Variants in ASXL3 observed in about 807,000 individuals in gnomAD.
ASXL3 encodes the protein putative Polycomb group protein ASXL3.
In ASXL3, 34 loss-of-function variants were observed where a neutral mutation model predicts 170.6. The ratio of observed to expected loss-of-function variants is 0.20; its 90% CI spans 0.15 to 0.27. The LOEUF (loss-of-function observed/expected upper bound fraction) is 0.27, where lower values mean the gene tolerates loss of function less well. Ranked by LOEUF, ASXL3 falls within the 10% of genes least tolerant of loss-of-function variation. The pLI is 1.00. For synonymous variants in ASXL3, 1,002 were observed against 989.1 expected (o/e 1.01, Z -0.24); for missense variants, 2,592 against 2,695.3 (o/e 0.96, Z 0.85).
rs1231686494 is a variant in ASXL3 at position 33,745,656 on chromosome 18, G to A, written c.5808G>A (p.Val1936=). The change falls in exon 12 of 12, where the codon GTG becomes GTA. Residue 1936 remains valine (V), a synonymous_variant. Transcript: ENST00000269197. Reference sequence around the variant, plus strand: ...GACAGCAGTTTTACCAAATGCCTGTGGCTGCCAGGGGCCCCATTCCTACTG... The same window carrying A: ...GACAGCAGTTTTACCAAATGCCTGTAGCTGCCAGGGGCCCCATTCCTACTG... ...SHRQQFYQMP[V]AARGPIPTAA... 1 of 1,613,812 alleles carries A rather than the reference G, an allele frequency of 6.2e-7. No homozygotes were observed. Among genetic ancestry groups the A allele is most frequent in the Non-Finnish European group, 8.5e-7 (1 of 1,179,886 alleles).
intron 8 of ASXL3, among the ~76,000 whole-genome samples, chr18:33,696,888 CA>C (rs1290043708): frequency 6.6e-6 from 1 of 152,154 alleles, no homozygotes; most frequent in Non-Finnish European, 1.5e-5. Context: ...GTTAAAGAAT[CA>C]ATCTCTGCTC....
At chr18:33,627,840 G>A (rs2065624355) in intron 2 of ASXL3, among the ~76,000 whole-genome samples, 1 of 152,022 alleles carries the variant, frequency 6.6e-6, no homozygotes, top group Admixed American at 6.6e-5. Flanking sequence ...TTAGAAATGT[G>A]GTGCTTGTTC....
At chr18:33,736,927 ATAT>A (rs1449342350) in intron 10 of ASXL3, among the ~76,000 whole-genome samples, 5 of 152,156 alleles carry the variant, frequency 3.3e-5, no homozygotes, top group African/African-American at 1.2e-4. Context: ...ATATTTAATA[ATAT>A]TATTAACCAA....
In ASXL3 at chr18:33,744,985, T is replaced by C. The variant is rs1335509165; in HGVS notation, c.5137T>C (p.Ser1713Pro). The C allele has an allele frequency of 6.2e-7, 1 of 1,613,940 alleles. No homozygotes were observed. The change falls in exon 12 of 12, where the codon TCA (serine) becomes CCA (proline). Residue 1713 changes from serine (S) to proline (P), a missense_variant. Ser to Pro is a moderately conservative substitution (Grantham distance 74). Transcript: ENST00000269197. ...AACACAGAACATGAAAGCTTCCACC[T>C]CAAGTCCCATGGAAGAGGCTATTTC... ...QQTQNMKAST[S>P]SPMEEAISLA... is the part of the protein sequence containing the mutation.
chr18:33,713,243 GTTTTGTT>G (rs2067103449), intron 8 of ASXL3, among the ~76,000 whole-genome samples: 1 of 45,488 alleles, frequency 2.2e-5, no homozygotes, highest in Non-Finnish European at 4.3e-5. Context: ...TTTTTGTTTT[GTTTTGTT>G]TTTTTTTTTT....
chr18:33,596,161 C>A (rs750243173), intron 1 of ASXL3, among the ~76,000 whole-genome samples: 1 of 151,986 alleles, frequency 6.6e-6, no homozygotes, highest in Non-Finnish European at 1.5e-5. Context: ...GGGTAGGCAG[C>A]GGTCATTTCT....
chr18:33,649,921 A>C (rs1010942796), intron 4 of ASXL3, among the ~76,000 whole-genome samples: 2 of 152,088 alleles, frequency 1.3e-5, no homozygotes, highest in African/African-American at 4.8e-5. Context: ...GCTAGGTTTC[A>C]GGCTATCAAG....
At chr18:33,651,842 T>C (rs941590444) in intron 4 of ASXL3, among the ~76,000 whole-genome samples, 2 of 152,078 alleles carry the variant, frequency 1.3e-5, no homozygotes, top group African/African-American at 4.8e-5. Context: ...CAGGGAAACA[T>C]TCTTTTAAAA....
intron 8 of ASXL3, among the ~76,000 whole-genome samples, chr18:33,714,258 G>A (rs939483246): frequency 1.2e-4 from 19 of 152,164 alleles, no homozygotes; most frequent in African/African-American, 3.1e-4. Flanking sequence ...GTTGCTTTGC[G>A]TCTCAACAAT....
chr18:33,742,978 A>G lies in ASXL3; in HGVS notation c.3130A>G (p.Ser1044Gly), dbSNP rs199810689. The change falls in exon 12 of 12, where the codon AGT (serine) becomes GGT (glycine). Residue 1044 changes from serine (S) to glycine (G), a missense_variant. Ser to Gly is a moderately conservative substitution (Grantham distance 56, BLOSUM62 0). Transcript: ENST00000269197. ...ESRASTSTSVSGGRNTGARTL... is the reference protein window; with the variant it reads ...ESRASTSTSVGGGRNTGARTL... ...TCGAGCATCCACTAGCACATCTGTCAGTGGCGGGAGGAACACAGGAGCCAG... is the reference window on the plus strand; with the variant it reads ...TCGAGCATCCACTAGCACATCTGTCGGTGGCGGGAGGAACACAGGAGCCAG... 2.2e-4 allele frequency: 351 copies of G among 1,613,746 alleles called. 3 individuals carry two copies. The highest frequency in any genetic ancestry group is 5.0e-5 in the Non-Finnish European group (59 of 1,179,834).
chr18:33,613,250 G>A (rs1408472308), intron 2 of ASXL3, among the ~76,000 whole-genome samples: 3 of 152,008 alleles, frequency 2.0e-5, no homozygotes, highest in Non-Finnish European at 2.9e-5. Context: ...TCCTAAACAC[G>A]TCTTTCTTTC....
intron 8 of ASXL3, among the ~76,000 whole-genome samples, chr18:33,713,242 TGTTTTG>T (rs1568343440): frequency 0.094 from 7,237 of 77,116 alleles, 1,897 homozygotes; most frequent in Non-Finnish European, 0.13. Context: ...TTTTTTGTTT[TGTTTTG>T]TTTTTTTTTT....
chr18:33,696,656 G>A (rs572318003), intron 8 of ASXL3, among the ~76,000 whole-genome samples: 2 of 152,044 alleles, frequency 1.3e-5, no homozygotes, highest in Admixed American at 1.3e-4. Flanking sequence ...AGGCAAGGGT[G>A]GAGCAGTCAG....
intron 4 of ASXL3, among the ~76,000 whole-genome samples, chr18:33,649,419 C>T (rs1193958339): frequency 6.6e-6 from 1 of 152,000 alleles, no homozygotes; most frequent in Non-Finnish European, 1.5e-5. Flanking sequence ...AGTAGTCCAT[C>T]AGTTAAGGGT....
intron 8 of ASXL3, among the ~76,000 whole-genome samples, chr18:33,698,201 T>G (rs914128305): frequency 1.2e-4 from 18 of 152,124 alleles, no homozygotes; most frequent in Non-Finnish European, 2.6e-4. Context: ...TTCAGAGGCC[T>G]GCCTGGACTT....
chr18:33,736,462 T>C (rs377235422), intron 10 of ASXL3, among the ~76,000 whole-genome samples: 2 of 152,256 alleles, frequency 1.3e-5, no homozygotes, highest in South Asian at 2.1e-4. Context: ...AACATTTCAT[T>C]GACTGCCCTT....
At chr18:33,702,479 A>G (rs1315266062) in intron 8 of ASXL3, among the ~76,000 whole-genome samples, 2 of 152,228 alleles carry the variant, frequency 1.3e-5, no homozygotes, top group East Asian at 1.9e-4. Context: ...TTGGTTGGCC[A>G]TGAGCACAGT....
intron 4 of ASXL3, among the ~76,000 whole-genome samples, 161 bp from the exon 5 acceptor site, chr18:33,661,455 G>T (rs1283182284): frequency 6.6e-6 from 1 of 152,098 alleles, no homozygotes; most frequent in Non-Finnish European, 1.5e-5. Flanking sequence ...GTTATTAAAT[G>T]ATTCCTTTTC....
At chr18:33,665,430 G>A (rs2145241873) in intron 5 of ASXL3, among the ~76,000 whole-genome samples, 1 of 152,288 alleles carries the variant, frequency 6.6e-6, no homozygotes, top group East Asian at 1.9e-4. Context: ...CACACTAGCG[G>A]CAATGCAAGT....
Sources: allele counts gnomAD v4.1 joint callset (sites outside exome capture counted in the v4.1 genomes callset), GRCh38; gene constraint gnomAD v4.1.1; transcripts MANE v1.5; gene names NCBI Gene and HGNC (gene_info 2026-07-23, HGNC 2026-07-21).